Variants in POLG2 observed in about 807,000 individuals in gnomAD.
The protein encoded by POLG2 is DNA polymerase gamma 2, accessory subunit, also known as DNA polymerase subunit gamma-2.
In POLG2, 50 loss-of-function variants were observed where a neutral mutation model predicts 56.5. The observed-to-expected ratio is 0.88, with a 90% CI of 0.71 to 1.12. The LOEUF is 1.12. Among genes scored for constraint, POLG2 ranks in the 50% most tolerant of loss-of-function variants. The probability of loss-of-function intolerance (pLI) is 0.00; values close to 1 mark genes in which losing one functional copy is unlikely to be tolerated. For synonymous variants in POLG2, 226 were observed against 222.6 expected (o/e 1.02, Z -0.14); for missense variants, 584 against 583.3 (o/e 1.00, Z -0.01).
chr17:64,496,753 G>C lies in POLG2; in HGVS notation c.216C>G (p.Ile72Met), dbSNP rs782056821. The C allele has an allele frequency of 1.2e-6, 2 of 1,614,032 alleles. No individual in the cohort carries two copies. The highest frequency in any genetic ancestry group is 1.3e-5 in the African/African-American group (1 of 75,016). Reference sequence around the variant, plus strand: ...CACTTAGGAAATGCCTTCTCTGACAGATCTCTAACAGCGCCTCGCTTCCCT... The same window carrying C: ...CACTTAGGAAATGCCTTCTCTGACACATCTCTAACAGCGCCTCGCTTCCCT... ...SGEGSEALLE[I>M]CQRRHFLSGS... Residue 72 changes from isoleucine to methionine, a missense_variant, in exon 1 of 8, where the codon ATC becomes ATG. Ile to Met is a conservative substitution (Grantham distance 10, BLOSUM62 1). Transcript: ENST00000539111.
rs2038046380 is a variant in POLG2, at chr17:64,490,859, G to A, written c.906C>T (p.Thr302=). 1 of 1,613,518 alleles carries A rather than the reference G, an allele frequency of 6.2e-7. No individual in the cohort carries two copies. The highest frequency in any genetic ancestry group is 8.5e-7 in the Non-Finnish European group (1 of 1,179,548). ...GTTCGTGATCTCCTAGGTTCCACAG[G>A]GTTTCTATTAACTCCTTTCCCCAGG... ...NFPWGKELIE[T]LWNLGDHELL... The change falls in exon 4 of 8, where the codon ACC becomes ACT. Residue 302 remains threonine (T), a synonymous_variant. Coordinates refer to ENST00000539111, the MANE Select transcript of POLG2 (RefSeq NM_007215.4).
chr17:64,490,540 A>G, intron 4 of POLG2: 1 of 475,378 alleles, frequency 2.1e-6, no homozygotes. Context: ...ACTACATGAA[A>G]GACAAGATCT....
chr17:64,495,504 G>A (rs540186004), intron 1 of POLG2, among the ~76,000 whole-genome samples: 6 of 152,172 alleles, frequency 3.9e-5, no homozygotes, highest in African/African-American at 1.4e-4. Flanking sequence ...ACTTGAGCCC[G>A]AGGTCGAGGC....
chr17:64,484,013 C>G (rs782113050), intron 5 of POLG2: 3 of 152,284 alleles, frequency 2.0e-5, no homozygotes, highest in Admixed American at 2.0e-4. Context: ...TTCAGCCCAG[C>G]CTTCTCTTCT....
chr17:64,480,439 G>C (rs895654013), intron 6 of POLG2, 50 bp from the exon 7 acceptor site: 3 of 878,210 alleles, frequency 3.4e-6, no homozygotes, highest in Middle Eastern at 2.2e-4. Context: ...ATGGTAGCTA[G>C]AGTGATTATT....
intron 4 of POLG2, among the ~76,000 whole-genome samples, chr17:64,488,421 A>G (rs1160939808): frequency 6.6e-6 from 1 of 151,982 alleles, no homozygotes; most frequent in Non-Finnish European, 1.5e-5. Context: ...GAACAAAATA[A>G]TCTGGGCATG....
intron 4 of POLG2, among the ~76,000 whole-genome samples, chr17:64,489,028 C>CT (rs562036918): frequency 0.029 from 4,012 of 136,420 alleles, 51 homozygotes; most frequent in African/African-American, 0.038. Flanking sequence ...TTTTCTTTTT[C>CT]TTTTTTTTTT....
At chr17:64,495,190 A>T (rs1328560197) in intron 1 of POLG2, among the ~76,000 whole-genome samples, 2 of 151,250 alleles carry the variant, frequency 1.3e-5, no homozygotes, top group African/African-American at 2.4e-5. Flanking sequence ...AAAAAAAAAA[A>T]AAAGGAACCA....
At chr17:64,482,149 G>C (rs1202627486) in intron 6 of POLG2, among the ~76,000 whole-genome samples, 1 of 139,920 alleles carries the variant, frequency 7.1e-6, no homozygotes, top group East Asian at 2.1e-4. Context: ...TGTCACCCAG[G>C]CTGGAGTGCA....
Position 64,492,991 on chromosome 17 carries a change from T to C in POLG2, c.593A>G (p.Asp198Gly). ...GALEHYVNCL[D>G]LVNKRLPYGL... is the part of the protein sequence containing the mutation. Reference sequence around the variant, plus strand: ...ATAAGGTAGCCTCTTGTTTACCAGATCCAGGCAATTAACATAGTGTTCCAA... The same window carrying C: ...ATAAGGTAGCCTCTTGTTTACCAGACCCAGGCAATTAACATAGTGTTCCAA... Residue 198 changes from aspartate (D) to glycine (G), a missense_variant, in exon 2 of 8, where the codon GAT becomes GGT. Asp to Gly is a moderately conservative substitution (Grantham distance 94). Coordinates refer to ENST00000539111, the MANE Select transcript of POLG2 (RefSeq NM_007215.4). The C allele has an allele frequency of 6.2e-7, 1 of 1,614,100 alleles. No individual in the cohort carries two copies.
intron 3 of POLG2, among the ~76,000 whole-genome samples, chr17:64,492,222 C>A (rs993338401): frequency 2.6e-5 from 4 of 152,080 alleles, no homozygotes; most frequent in African/African-American, 4.8e-5. Flanking sequence ...ATGTTTGAGT[C>A]GGGAAATGGT....
At chr17:64,483,956 C>G (rs2037908530) in intron 5 of POLG2, 1 of 152,142 alleles carries the variant, frequency 6.6e-6, no homozygotes, top group Non-Finnish European at 1.5e-5. Flanking sequence ...CCTGAATGAT[C>G]CACCCACCTT....
chr17:64,485,155 C>T (rs1400716596), intron 5 of POLG2: 2 of 153,566 alleles, frequency 1.3e-5, no homozygotes, highest in African/African-American at 2.4e-5. Context: ...CATCCTGACC[C>T]CTCCGGTTTC....
At chr17:64,485,179 CA>C (rs1258189441) in intron 5 of POLG2, 1 of 154,880 alleles carries the variant, frequency 6.5e-6, no homozygotes, top group Non-Finnish European at 1.4e-5. Flanking sequence ...CATCTTGCCC[CA>C]TTAATCATTT....
At chr17:64,494,860 G>T (rs2038122901) in intron 1 of POLG2, among the ~76,000 whole-genome samples, 2 of 152,106 alleles carry the variant, frequency 1.3e-5, no homozygotes, top group Non-Finnish European at 2.9e-5. Context: ...ATTTCTCCCA[G>T]TACTGGTTCA....
chr17:64,485,970 G>A lies in POLG2; in HGVS notation c.970-102C>T, dbSNP rs1006075800. 6 of 1,114,208 alleles carry A rather than the reference G, an allele frequency of 5.4e-6. No individual in the cohort carries two copies. The Admixed American group carries it at 5.6e-5, about 10-fold the overall frequency. 69.0% of individuals were successfully genotyped at this position (1,114,208 alleles called of 1,614,324 possible). A position where few individuals can be genotyped will look rare whatever the true frequency, so the allele number is the denominator to read the frequency against. ...CTCTGTCACCTGGCCAGGCTGGAGT[G>A]CAGTGGCATGATCTCAGCTCCCTGC... On this transcript the variant is annotated intron_variant, in intron 4 of 7. Coordinates refer to ENST00000539111, the MANE Select transcript of POLG2 (RefSeq NM_007215.4).
In POLG2 at chr17:64,496,719, G is replaced by C; in HGVS notation, c.250C>G (p.Gln84Glu). 6.2e-7 allele frequency: 1 copy of C among 1,614,120 alleles called. No individual in the cohort carries two copies. The highest frequency in any genetic ancestry group is 8.5e-7 in the Non-Finnish European group (1 of 1,180,024). The change falls in exon 1 of 8, where the codon CAG (glutamine) becomes GAG (glutamate). Residue 84 changes from glutamine to glutamate, a missense_variant. Coordinates refer to ENST00000539111, the MANE Select transcript of POLG2 (RefSeq NM_007215.4). ...QRRHFLSGSK[Q>E]QLSRDSLLSG... ...AGAAGAGAATCCCGGCTAAGCTGCT[G>C]CTTGCTTCCACTTAGGAAATGCCTT...
intron 4 of POLG2, among the ~76,000 whole-genome samples, chr17:64,489,085 GCA>G (rs2038010903): frequency 6.8e-6 from 1 of 146,912 alleles, no homozygotes; most frequent in South Asian, 2.1e-4. Context: ...GAGTGCAGCA[GCA>G]CAGTCTTGGC....
chr17:64,487,285 G>C (rs1416948109), intron 4 of POLG2: 1 of 152,188 alleles, frequency 6.6e-6, no homozygotes, highest in East Asian at 1.9e-4. Flanking sequence ...TCTACCAGTT[G>C]TATTTCACAC....
Sources: allele counts gnomAD v4.1 joint callset (sites outside exome capture counted in the v4.1 genomes callset), GRCh38; gene constraint gnomAD v4.1.1; transcripts MANE v1.5; gene names NCBI Gene and HGNC (gene_info 2026-07-23, HGNC 2026-07-21).